Variants in FAM13A observed in about 807,000 individuals in gnomAD.
The protein encoded by FAM13A is family with sequence similarity 13 member A.
FAM13A carries 76 observed loss-of-function variants against 129.6 expected under a neutral mutation model. The ratio of observed to expected loss-of-function variants is 0.59; its 90% CI spans 0.49 to 0.71. The LOEUF (loss-of-function observed/expected upper bound fraction) is 0.71. Ranked by LOEUF, FAM13A falls within the 30% of genes least tolerant of loss-of-function variation. The pLI, the probability that FAM13A is intolerant of heterozygous loss-of-function variation, is 0.00. For missense variants in FAM13A, 1,108 were observed against 1,249.3 expected (o/e 0.89, Z 1.70); for synonymous variants, 443 against 449.9 (o/e 0.98, Z 0.20).
intron 10 of FAM13A, among the ~76,000 whole-genome samples, chr4:88,782,065 ATAATCT>A (rs1424360530): frequency 1.3e-5 from 2 of 152,060 alleles, no homozygotes; most frequent in Admixed American, 6.6e-5. Flanking sequence ...TTATTAATAG[ATAATCT>A]TAGTAGAAAT....
chr4:88,993,739 G>A (rs1008627365), intron 3 of FAM13A, among the ~76,000 whole-genome samples: 4 of 152,088 alleles, frequency 2.6e-5, no homozygotes, highest in East Asian at 3.9e-4. Flanking sequence ...GGCAGCTCAC[G>A]CCTGTAATCC....
chr4:88,913,141 AGAGGAAGAAGAGGAGGAG>A (rs1419971863), intron 5 of FAM13A, among the ~76,000 whole-genome samples: 1 of 143,628 alleles, frequency 7.0e-6, no homozygotes, highest in African/African-American at 2.6e-5. Flanking sequence ...AGGAAGAGGA[AGAGGAAGAAGAGGAGGAG>A]GAGGAAGAAG....
At chr4:88,763,879 A>G (rs1411129927) in intron 13 of FAM13A, among the ~76,000 whole-genome samples, 1 of 152,236 alleles carries the variant, frequency 6.6e-6, no homozygotes, top group East Asian at 1.9e-4. Flanking sequence ...TGAACTCCAA[A>G]GCTTCATTAG....
intron 4 of FAM13A, among the ~76,000 whole-genome samples, chr4:88,944,386 C>G (rs557890007): frequency 6.6e-6 from 1 of 152,162 alleles, no homozygotes; most frequent in East Asian, 1.9e-4. Context: ...CTCTTTATAA[C>G]ATCATGTAAC....
chr4:88,766,572 T>C (rs952070610), intron 13 of FAM13A, among the ~76,000 whole-genome samples: 1 of 152,216 alleles, frequency 6.6e-6, no homozygotes, highest in African/African-American at 2.4e-5. Flanking sequence ...TTTATGCACA[T>C]TTTTTAATGA....
At chr4:89,025,242 A>ATTTT (rs1560851172) in intron 2 of FAM13A, among the ~76,000 whole-genome samples, 46 of 55,456 alleles carry the variant, frequency 8.3e-4, no homozygotes, top group Non-Finnish European at 1.4e-3. Context: ...CCATGGAATC[A>ATTTT]TTGTTTTTTT....
At chr4:88,748,888 A>G (rs1174725750) in intron 17 of FAM13A, 64 bp downstream of exon 17, 2 of 1,095,148 alleles carry the variant, frequency 1.8e-6, no homozygotes, top group African/African-American at 1.6e-5. Flanking sequence ...TCAGTGGGAG[A>G]GGAGGTGAGA....
intron 3 of FAM13A, among the ~76,000 whole-genome samples, chr4:89,015,926 G>A (rs759918385): frequency 7.9e-5 from 12 of 151,704 alleles, no homozygotes; most frequent in African/African-American, 1.2e-4. Context: ...ACATATATAC[G>A]TGTATGTTAA....
At chr4:89,004,678 G>A (rs903546383) in intron 3 of FAM13A, among the ~76,000 whole-genome samples, 1 of 152,112 alleles carries the variant, frequency 6.6e-6, no homozygotes, top group Non-Finnish European at 1.5e-5. Flanking sequence ...CCAATTTTAA[G>A]CTTAAAAGCA....
chr4:89,033,858 G>T (rs1050853059), intron 1 of FAM13A, among the ~76,000 whole-genome samples: 1 of 152,248 alleles, frequency 6.6e-6, no homozygotes, highest in East Asian at 1.9e-4. Flanking sequence ...AAATGGTGCT[G>T]GGAAAACTGG....
intron 21 of FAM13A, among the ~76,000 whole-genome samples, chr4:88,732,872 C>T (rs752882925): frequency 3.0e-4 from 45 of 151,084 alleles, no homozygotes; most frequent in Middle Eastern, 6.8e-3. Context: ...ATGATATTCT[C>T]GGTCTGTATT....
chr4:88,827,533 C>T (rs923270969), intron 7 of FAM13A, among the ~76,000 whole-genome samples: 13 of 152,148 alleles, frequency 8.5e-5, no homozygotes, highest in Non-Finnish European at 1.5e-5. Context: ...ATTATCAACC[C>T]AATCAAACAT....
chr4:88,812,233 C>T (rs1224107522), intron 7 of FAM13A, among the ~76,000 whole-genome samples: 1 of 152,084 alleles, frequency 6.6e-6, no homozygotes, highest in Non-Finnish European at 1.5e-5. Context: ...AATCTCTTAC[C>T]TCCATATTTG....
chr4:88,738,505 G>A (rs1739473319), intron 20 of FAM13A, among the ~76,000 whole-genome samples: 1 of 152,068 alleles, frequency 6.6e-6, no homozygotes, highest in African/African-American at 2.4e-5. Context: ...TAAGGATGGT[G>A]GCCACTGACA....
At chr4:88,785,237 T>C (rs1254684168) in intron 10 of FAM13A, among the ~76,000 whole-genome samples, 3 of 152,178 alleles carry the variant, frequency 2.0e-5, no homozygotes, top group African/African-American at 7.2e-5. Context: ...TTCTAAACAC[T>C]TTTTAACCAC....
chr4:88,772,030 G>T (rs978006652), intron 11 of FAM13A, among the ~76,000 whole-genome samples: 1 of 152,118 alleles, frequency 6.6e-6, no homozygotes, highest in African/African-American at 2.4e-5. Flanking sequence ...TTTGACCACT[G>T]ACTGAAGCAC....
At chr4:89,015,684 TTA>T (rs1236932931) in intron 3 of FAM13A, among the ~76,000 whole-genome samples, 6 of 152,218 alleles carry the variant, frequency 3.9e-5, no homozygotes, top group Non-Finnish European at 7.3e-5. Flanking sequence ...TTTTATTATT[TTA>T]GAGTGTACCC....
chr4:88,823,353 C>T, intron 7 of FAM13A: 2 of 1,066,448 alleles, frequency 1.9e-6, no homozygotes, highest in Non-Finnish European at 2.3e-6. Flanking sequence ...ACTCCTTCTG[C>T]TCCTCAATGG....
intron 2 of FAM13A, among the ~76,000 whole-genome samples, chr4:89,026,244 G>A (rs1767941071): frequency 6.6e-6 from 1 of 152,208 alleles, no homozygotes; most frequent in Non-Finnish European, 1.5e-5. Flanking sequence ...AAAGCTGGTT[G>A]TAAATCCTGG....
Sources: gnomAD v4.1 joint callset for allele counts (sites outside exome capture counted in the v4.1 genomes callset) on GRCh38, gnomAD v4.1.1 for gene constraint, MANE v1.5 for transcripts, NCBI Gene and HGNC (gene_info 2026-07-23, HGNC 2026-07-21) for gene names.